The following RGS6 variants were observed in gnomAD, a reference collection of about 807,000 sequenced individuals.
RGS6 encodes regulator of G-protein signaling 6.
In RGS6, 30 loss-of-function variants were observed where a neutral mutation model predicts 78.5. The ratio of observed to expected loss-of-function variants is 0.38; its 90% CI spans 0.29 to 0.52. The LOEUF (loss-of-function observed/expected upper bound fraction) is 0.52. Among genes scored for constraint, RGS6 ranks in the 20% least tolerant of loss-of-function variants. The pLI, the probability that RGS6 is intolerant of heterozygous loss-of-function variation, is 0.85. For synonymous variants in RGS6, 206 were observed against 206.0 expected (o/e 1.00, Z 0.00); for missense variants, 495 against 609.7 (o/e 0.81, Z 1.98).
chr14:72,501,827 C>T (rs562092355), intron 13 of RGS6, among the ~76,000 whole-genome samples: 3 of 152,352 alleles, frequency 2.0e-5, no homozygotes, highest in South Asian at 4.1e-4. Context: ...CTACAAGGAA[C>T]CTGGCTTGTC....
At chr14:72,178,182 A>C (rs2097130731) in intron 2 of RGS6, among the ~76,000 whole-genome samples, 1 of 152,218 alleles carries the variant, frequency 6.6e-6, no homozygotes, top group Admixed American at 6.5e-5. Flanking sequence ...GATTAACTCC[A>C]GTTACAGTCA....
At chr14:72,121,607 C>T (rs562307176) in intron 2 of RGS6, among the ~76,000 whole-genome samples, 3 of 152,278 alleles carry the variant, frequency 2.0e-5, no homozygotes, top group Admixed American at 6.5e-5. Flanking sequence ...GAGTTTATTG[C>T]TGCCTTCTTT....
At chr14:72,191,579 G>A (rs1475427602) in intron 2 of RGS6, among the ~76,000 whole-genome samples, 1 of 152,194 alleles carries the variant, frequency 6.6e-6, no homozygotes, top group Non-Finnish European at 1.5e-5. Flanking sequence ...CAGGGGAACT[G>A]CTCTTTATAA....
At chr14:72,368,526 G>A (rs1033032594) in intron 3 of RGS6, among the ~76,000 whole-genome samples, 1 of 152,108 alleles carries the variant, frequency 6.6e-6, no homozygotes, top group Non-Finnish European at 1.5e-5. Flanking sequence ...AATAACGTGC[G>A]ATGATGGATG....
intron 3 of RGS6, among the ~76,000 whole-genome samples, chr14:72,355,417 A>G (rs999386923): frequency 7.9e-5 from 12 of 151,864 alleles, no homozygotes; most frequent in Middle Eastern, 3.4e-3. Context: ...CTGGTCTCGA[A>G]CTCTTGACCT....
At chr14:72,557,975 C>CT (rs893970907) in intron 17 of RGS6, among the ~76,000 whole-genome samples, 13 of 151,894 alleles carry the variant, frequency 8.6e-5, no homozygotes, top group Non-Finnish European at 1.0e-4. Flanking sequence ...ATAGCTGGGA[C>CT]TTTTTTTTGT....
intron 2 of RGS6, among the ~76,000 whole-genome samples, chr14:72,006,771 G>C (rs1011528016): frequency 6.6e-5 from 10 of 152,156 alleles, no homozygotes; most frequent in Non-Finnish European, 1.5e-5. Flanking sequence ...TGCATCAGTA[G>C]ATAACTAATC....
intron 2 of RGS6, among the ~76,000 whole-genome samples, chr14:72,077,858 GAAGTATTATA>G (rs1327164572): frequency 6.6e-6 from 1 of 152,186 alleles, no homozygotes; most frequent in Non-Finnish European, 1.5e-5. Context: ...GGGAGAATTT[GAAGTATTATA>G]TCTTCTAATT....
chr14:71,883,920 A>G, the RGS6 span, among the ~76,000 whole-genome samples: 1 of 152,128 alleles, frequency 6.6e-6, no homozygotes. Flanking sequence ...CTCATGAATA[A>G]TCCACCCCCT....
intron 2 of RGS6, among the ~76,000 whole-genome samples, chr14:72,197,844 A>G (rs2040554410): frequency 6.6e-6 from 1 of 152,134 alleles, no homozygotes; most frequent in Non-Finnish European, 1.5e-5. Context: ...CTGGGGAATG[A>G]TGTTCTCCTA....
At chr14:72,556,401 C>G (rs548552106) in intron 17 of RGS6, among the ~76,000 whole-genome samples, 2 of 152,302 alleles carry the variant, frequency 1.3e-5, no homozygotes, top group African/African-American at 4.8e-5. Context: ...ATGATCCAAT[C>G]ACCTCCCACT....
At chr14:72,187,968 T>C (rs2097270106) in intron 2 of RGS6, among the ~76,000 whole-genome samples, 1 of 152,144 alleles carries the variant, frequency 6.6e-6, no homozygotes, top group East Asian at 1.9e-4. Context: ...TCAGCCCTCA[T>C]ACTGTAAACA....
intron 3 of RGS6, among the ~76,000 whole-genome samples, chr14:72,386,332 G>A (rs2087976054): frequency 6.6e-6 from 1 of 152,176 alleles, no homozygotes. Flanking sequence ...GAGCTCAGGA[G>A]TTCGAGACCA....
At chr14:71,989,883 C>T (rs938230284) in intron 2 of RGS6, among the ~76,000 whole-genome samples, 1 of 152,148 alleles carries the variant, frequency 6.6e-6, no homozygotes, top group Non-Finnish European at 1.5e-5. Context: ...TTTCCTATTA[C>T]CACATCCATT....
chr14:72,079,739 C>A (rs1380222771), intron 2 of RGS6, among the ~76,000 whole-genome samples: 4 of 152,126 alleles, frequency 2.6e-5, no homozygotes, highest in Admixed American at 2.0e-4. Context: ...AACTCTGTTC[C>A]TATGAGTTCA....
intron 3 of RGS6, among the ~76,000 whole-genome samples, chr14:72,417,351 T>C (rs1198596287): frequency 6.6e-6 from 1 of 152,190 alleles, no homozygotes; most frequent in Non-Finnish European, 1.5e-5. Context: ...CATTCACACA[T>C]CACTCCTTCA....
At chr14:72,127,885 A>G (rs1377128012) in intron 2 of RGS6, among the ~76,000 whole-genome samples, 15 of 152,232 alleles carry the variant, frequency 9.9e-5, no homozygotes, top group Admixed American at 9.8e-4. Context: ...TCTATAACTT[A>G]TCACTTAAAG....
intron 2 of RGS6, among the ~76,000 whole-genome samples, chr14:72,285,901 TC>T (rs557403682): frequency 1.3e-5 from 2 of 152,352 alleles, no homozygotes; most frequent in African/African-American, 4.8e-5. Context: ...TCCTTATATC[TC>T]TTAGGTATTA....
intron 3 of RGS6, among the ~76,000 whole-genome samples, chr14:72,361,270 A>G (rs1341457038): frequency 6.6e-6 from 1 of 152,124 alleles, no homozygotes; most frequent in Non-Finnish European, 1.5e-5. Context: ...AAGTGGACTT[A>G]ATTGATGTTA....
Sources: allele counts gnomAD v4.1 joint callset (sites outside exome capture counted in the v4.1 genomes callset), GRCh38; gene constraint gnomAD v4.1.1; transcripts MANE v1.5; gene names NCBI Gene and HGNC (gene_info 2026-07-23, HGNC 2026-07-21).